Variants in GRID1 observed in about 807,000 individuals in gnomAD.
GRID1 encodes the protein glutamate ionotropic receptor delta type subunit 1, also known as glutamate receptor ionotropic, delta-1.
GRID1 carries 28 observed loss-of-function variants against 98.0 expected under a neutral mutation model. The observed-to-expected ratio is 0.29, with a 90% CI of 0.21 to 0.39. The LOEUF (loss-of-function observed/expected upper bound fraction) is 0.39, where lower values mean the gene tolerates loss of function less well. GRID1 is among the 10% of genes least tolerant of loss of function. The pLI, the probability that GRID1 is intolerant of heterozygous loss-of-function variation, is 1.00. For synonymous variants in GRID1, 553 were observed against 538.5 expected (o/e 1.03, Z -0.37); for missense variants, 1,111 against 1,340.5 (o/e 0.83, Z 2.67).
chr10:85,934,108 G>C (rs1363082081), intron 4 of GRID1, among the ~76,000 whole-genome samples: 1 of 152,142 alleles, frequency 6.6e-6, no homozygotes, highest in African/African-American at 2.4e-5. Flanking sequence ...GTTATGTAGG[G>C]AGGAACAGAT....
intron 4 of GRID1, among the ~76,000 whole-genome samples, chr10:85,951,991 TAAATAAAGTGCTCACAAATCTCCATGTC>T (rs1842131577): frequency 1.3e-5 from 2 of 152,230 alleles, no homozygotes; most frequent in Non-Finnish European, 2.9e-5. Context: ...CCTTTCTCAA[TAAATAAAGTGCTCACAAATCTCCATGTC>T]AGGCCCTGCT....
intron 2 of GRID1, among the ~76,000 whole-genome samples, chr10:86,258,334 AC>A: frequency 6.6e-6 from 1 of 152,350 alleles, no homozygotes; most frequent in African/African-American, 2.4e-5. Context: ...GCTGTAAAAA[AC>A]AAAATTGGTA....
At chr10:85,842,015 A>T (rs949981271) in intron 8 of GRID1, among the ~76,000 whole-genome samples, 3 of 152,150 alleles carry the variant, frequency 2.0e-5, no homozygotes, top group Non-Finnish European at 4.4e-5. Context: ...TTGTAAAAAC[A>T]CATGCATGTG....
intron 8 of GRID1, among the ~76,000 whole-genome samples, chr10:85,758,945 A>T (rs1408140930): frequency 6.6e-6 from 1 of 152,194 alleles, no homozygotes; most frequent in Non-Finnish European, 1.5e-5. Context: ...TGTGGTTCGA[A>T]TTCTTCATCT....
intron 12 of GRID1, among the ~76,000 whole-genome samples, chr10:85,718,882 A>T (rs1564569304): frequency 6.6e-6 from 1 of 152,060 alleles, no homozygotes; most frequent in Non-Finnish European, 1.5e-5. Context: ...TCCTCAAAAC[A>T]TGGGTGTTTC....
intron 2 of GRID1, among the ~76,000 whole-genome samples, chr10:86,240,352 G>T (rs933414864): frequency 1.3e-5 from 2 of 152,172 alleles, no homozygotes; most frequent in African/African-American, 4.8e-5. Context: ...AGCTTCCTGG[G>T]AGCTAGAACC....
intron 13 of GRID1, among the ~76,000 whole-genome samples, chr10:85,641,819 G>A (rs1043299718): frequency 3.9e-5 from 6 of 152,152 alleles, no homozygotes; most frequent in Admixed American, 3.9e-4. Context: ...AAGTTTCCAG[G>A]CCACCAGAGA....
intron 2 of GRID1, among the ~76,000 whole-genome samples, chr10:86,312,429 A>G (rs1847843318): frequency 6.6e-6 from 1 of 152,102 alleles, no homozygotes; most frequent in South Asian, 2.1e-4. Context: ...AAGGGAGGGG[A>G]CTGCTTTCCT....
intron 8 of GRID1, among the ~76,000 whole-genome samples, chr10:85,738,607 G>T (rs1432924223): frequency 6.6e-6 from 1 of 152,180 alleles, no homozygotes; most frequent in Admixed American, 6.6e-5. Flanking sequence ...ATGTGGATCA[G>T]CTGGTGAATA....
chr10:85,673,315 G>C (rs1256624381), intron 12 of GRID1, among the ~76,000 whole-genome samples: 1 of 152,186 alleles, frequency 6.6e-6, no homozygotes, highest in Non-Finnish European at 1.5e-5. Flanking sequence ...ACAACAAAAG[G>C]TTTAGAATAT....
intron 3 of GRID1, among the ~76,000 whole-genome samples, chr10:86,183,674 C>T (rs1309410252): frequency 1.3e-5 from 2 of 152,212 alleles, no homozygotes. Flanking sequence ...TGTTTTAATT[C>T]ATTCACTTGC....
intron 4 of GRID1, among the ~76,000 whole-genome samples, chr10:86,125,191 A>C (rs1054567946): frequency 6.6e-6 from 1 of 152,254 alleles, no homozygotes; most frequent in Non-Finnish European, 1.5e-5. Context: ...CTTCCACGTG[A>C]CTGCCAATGG....
chr10:86,140,631 C>G (rs970753561), intron 3 of GRID1, among the ~76,000 whole-genome samples: 1 of 152,164 alleles, frequency 6.6e-6, no homozygotes, highest in Non-Finnish European at 1.5e-5. Context: ...GTGCACAGGG[C>G]CCCCCTTACC....
At chr10:86,255,501 C>A (rs568587614) in intron 2 of GRID1, among the ~76,000 whole-genome samples, 1 of 152,348 alleles carries the variant, frequency 6.6e-6, no homozygotes, top group Admixed American at 6.5e-5. Context: ...CCTTGGGATG[C>A]AGTGGCTGAG....
intron 2 of GRID1, among the ~76,000 whole-genome samples, chr10:86,284,981 G>A (rs893650769): frequency 2.2e-5 from 1 of 46,052 alleles, no homozygotes; most frequent in East Asian, 2.3e-4. Context: ...ACAGTAATGG[G>A]GTTGCTGGAA....
chr10:86,177,223 C>T (rs888148221), intron 3 of GRID1, among the ~76,000 whole-genome samples: 4 of 152,098 alleles, frequency 2.6e-5, no homozygotes, highest in Non-Finnish European at 5.9e-5. Context: ...ACTTACTTGC[C>T]TTTAACACTC....
At chr10:85,973,797 T>C (rs557261380) in intron 4 of GRID1, among the ~76,000 whole-genome samples, 1 of 152,360 alleles carries the variant, frequency 6.6e-6, no homozygotes, top group South Asian at 2.1e-4. Context: ...CCTTGATTAT[T>C]CATCTCTTAT....
chr10:86,338,999 G>A (rs1848270826), intron 2 of GRID1, among the ~76,000 whole-genome samples: 1 of 152,148 alleles, frequency 6.6e-6, no homozygotes, highest in South Asian at 2.1e-4. Flanking sequence ...TCAAAAACTA[G>A]TCGGTGACAG....
chr10:86,311,193 A>C (rs1243358167), intron 2 of GRID1, among the ~76,000 whole-genome samples: 3 of 152,160 alleles, frequency 2.0e-5, no homozygotes, highest in African/African-American at 7.2e-5. Context: ...CCTCATTACC[A>C]TTGACAAAAG....
Sources: gnomAD v4.1 joint callset for allele counts (sites outside exome capture counted in the v4.1 genomes callset) on GRCh38, gnomAD v4.1.1 for gene constraint, MANE v1.5 for transcripts, NCBI Gene and HGNC (gene_info 2026-07-23, HGNC 2026-07-21) for gene names.